CRACR2A: variants seen among roughly 807,000 people sequenced by gnomAD.
The protein encoded by CRACR2A is calcium release activated channel regulator 2A.
A neutral mutation model predicts 90.5 loss-of-function variants in CRACR2A; 79 were observed. The observed-to-expected ratio is 0.87, with a 90% CI of 0.73 to 1.05. CRACR2A has a LOEUF of 1.05. Ranked by LOEUF, CRACR2A falls within the 50% of genes least tolerant of loss-of-function variation. The probability of loss-of-function intolerance (pLI) is 0.00; values close to 1 mark genes in which losing one functional copy is unlikely to be tolerated. For missense variants in CRACR2A, 823 were observed against 897.2 expected (o/e 0.92, Z 1.06); for synonymous variants, 338 against 356.7 (o/e 0.95, Z 0.59).
At chr12:3,657,895 A>T (rs761664591) in intron 8 of CRACR2A, among the ~76,000 whole-genome samples, 1 of 152,156 alleles carries the variant, frequency 6.6e-6, no homozygotes, top group Non-Finnish European at 1.5e-5. Context: ...TTCACGGTCA[A>T]ACAAACTGGT....
At chr12:3,643,876 ATATT>A (rs1378215317) in intron 12 of CRACR2A, among the ~76,000 whole-genome samples, 7 of 52,570 alleles carry the variant, frequency 1.3e-4, no homozygotes, top group Admixed American at 4.4e-4. Context: ...TATATTATAT[ATATT>A]TATATTAATA....
intron 1 of CRACR2A, among the ~76,000 whole-genome samples, chr12:3,752,361 C>CGG (rs1565514200): frequency 3.8e-5 from 3 of 79,146 alleles, no homozygotes; most frequent in African/African-American, 1.0e-4. Context: ...CACACGGACA[C>CGG]ACACACACAG....
intron 4 of CRACR2A, among the ~76,000 whole-genome samples, chr12:3,684,656 G>A (rs1418309358): frequency 6.6e-6 from 1 of 152,202 alleles, no homozygotes; most frequent in African/African-American, 2.4e-5. Context: ...CAAGTTTAGA[G>A]TGCAGGCGTA....
At chr12:3,657,872 A>G (rs1565477913) in intron 8 of CRACR2A, among the ~76,000 whole-genome samples, 2 of 152,166 alleles carry the variant, frequency 1.3e-5, no homozygotes, top group African/African-American at 4.8e-5. Context: ...GGTGCAAGTG[A>G]TTAGGTACTT....
At chr12:3,744,183 A>C (rs1448564030) in intron 1 of CRACR2A, among the ~76,000 whole-genome samples, 1 of 152,214 alleles carries the variant, frequency 6.6e-6, no homozygotes, top group Non-Finnish European at 1.5e-5. Flanking sequence ...TCAAAGCTAA[A>C]CTCACACTTT....
chr12:3,638,228 C>T lies in CRACR2A; in HGVS notation c.1498G>A (p.Val500Ile). The T allele has an allele frequency of 6.4e-7, 1 of 1,551,674 alleles. No individual in the cohort carries two copies. Among genetic ancestry groups the T allele is most frequent in the Non-Finnish European group, 8.7e-7 (1 of 1,146,990 alleles). ...TGTCCCTGTACCCCCTGGTCAGAGA[C>T]CTCTTCCTCTTCTGAGCATTTGCTC... The part of the protein sequence containing the change: ...PLSKCSEEEE[V>I]SDQGVQGQIP... The change falls in exon 14 of 20, where the codon GTC becomes ATC. Residue 500 changes from valine (V) to isoleucine (I), a missense_variant. By Grantham distance (29) the Val-to-Ile change is conservative. Coordinates refer to ENST00000440314, the MANE Select transcript of CRACR2A (RefSeq NM_001144958.2).
At position 3,747,175 on chromosome 12, in the gene CRACR2A, G is replaced by A. The variant is rs558888569; in HGVS notation, c.-387+5840C>T. Among the ~76,000 whole-genome samples the A allele has an allele frequency of 3.9e-5, 6 of 152,294 alleles. No homozygotes were observed. In the South Asian group the frequency reaches 1.0e-3, roughly 26 times the overall value. On this transcript the variant is annotated intron_variant, in intron 1 of 19. Transcript: ENST00000440314. ...ACTGCCTGGGTTCAAATCCCAGCTC[G>A]GCCTCTTATCAGCTGTGTGACCCTG...
intron 13 of CRACR2A, chr12:3,640,476 T>C (rs1944544393): frequency 8.6e-7 from 1 of 1,164,238 alleles, no homozygotes; most frequent in South Asian, 1.7e-5. Context: ...CTCAAAAGAA[T>C]GTCTGGTACA....
chr12:3,701,743 TA>T (rs1416975406), intron 3 of CRACR2A, among the ~76,000 whole-genome samples: 1 of 152,140 alleles, frequency 6.6e-6, no homozygotes, highest in East Asian at 1.9e-4. Context: ...ATCAAATATT[TA>T]AAGAATAAGT....
rs377139179 is a variant in CRACR2A, at chr12:3,678,915, T to C, written c.524A>G (p.Asp175Gly). Residue 175 changes from aspartate to glycine, a missense_variant and splice_region_variant, in exon 6 of 20, where the codon GAT becomes GGT. Coordinates refer to ENST00000440314, the MANE Select transcript of CRACR2A (RefSeq NM_001144958.2). ...TCTACAAATCACTGTCACCACTTAC[T>C]CTTCCAACACCTTTTGGGCTCCAAG... is the stretch of plus-strand genomic sequence containing the variant. ...DRLGAQKVLE[D>G]ESDVKQLWLQ... The C allele has an allele frequency of 1.9e-6, 3 of 1,602,154 alleles. No homozygotes were observed. Among genetic ancestry groups the C allele is most frequent in the Non-Finnish European group, 2.6e-6 (3 of 1,175,564 alleles).
At chr12:3,685,744 C>CA (rs1359516343) in intron 4 of CRACR2A, among the ~76,000 whole-genome samples, 1 of 152,108 alleles carries the variant, frequency 6.6e-6, no homozygotes, top group Non-Finnish European at 1.5e-5. Context: ...GAAATGAGGA[C>CA]ATTGTTTTAC....
intron 2 of CRACR2A, among the ~76,000 whole-genome samples, chr12:3,720,317 AAGAG>A (rs1261565661): frequency 1.2e-4 from 17 of 146,246 alleles, no homozygotes; most frequent in Non-Finnish European, 2.4e-4. Flanking sequence ...GAAGGAAAGA[AAGAG>A]AGACAGAAAG....
intron 10 of CRACR2A, among the ~76,000 whole-genome samples, chr12:3,653,035 T>C (rs907207505): frequency 1.7e-4 from 26 of 151,962 alleles, no homozygotes; most frequent in African/African-American, 6.0e-4. Context: ...CAAGCTGGAG[T>C]GCAGTGGCAC....
At chr12:3,663,294 G>C (rs1945072815) in intron 7 of CRACR2A, among the ~76,000 whole-genome samples, 1 of 151,872 alleles carries the variant, frequency 6.6e-6, no homozygotes, top group South Asian at 2.1e-4. Context: ...AGATTTGGAA[G>C]GTTTGTCTGA....
intron 1 of CRACR2A, among the ~76,000 whole-genome samples, chr12:3,745,610 C>G (rs1169622147): frequency 6.6e-6 from 1 of 151,624 alleles, no homozygotes; most frequent in African/African-American, 2.4e-5. Context: ...CCCGTCTCTA[C>G]TAAAAATACA....
rs118151556 is a variant in CRACR2A at position 3,663,246 on chromosome 12, C to T, written c.672-3592G>A. 1.2e-4 allele frequency among the ~76,000 whole-genome samples: 18 copies of T among 151,830 alleles called. No individual in the cohort carries two copies. The East Asian group carries it at 1.4e-3, about 11-fold the overall frequency. On this transcript the variant is annotated intron_variant, in intron 7 of 19. Coordinates refer to ENST00000440314, the MANE Select transcript of CRACR2A (RefSeq NM_001144958.2). ...GAACTCAGAAGCTCATGGACCATTT[C>T]GAGGGAATACTAGATACCATGGGAG...
intron 1 of CRACR2A, among the ~76,000 whole-genome samples, chr12:3,748,602 G>A (rs1048705812): frequency 6.6e-6 from 1 of 152,110 alleles, no homozygotes; most frequent in Non-Finnish European, 1.5e-5. Context: ...CCCTCTAGTT[G>A]CCCCAGGCAG....
At chr12:3,647,227 A>G (rs1003358968) in intron 11 of CRACR2A, among the ~76,000 whole-genome samples, 3 of 115,486 alleles carry the variant, frequency 2.6e-5, no homozygotes, top group African/African-American at 1.0e-4. Flanking sequence ...CTCTCCCTTG[A>G]TTCCTGGTGG....
chr12:3,615,566 G>A lies in CRACR2A; in HGVS notation c.2112-127C>T, dbSNP rs938255701. On this transcript the variant is annotated intron_variant, in intron 19 of 19. Transcript: ENST00000440314. ...TATGGAGAGAACCCACCCTCACCACGGCATCAGAGAGAGTCCTGAACATCC... is the reference window on the plus strand; with the variant it reads ...TATGGAGAGAACCCACCCTCACCACAGCATCAGAGAGAGTCCTGAACATCC... 29 of 688,004 alleles carry A rather than the reference G, an allele frequency of 4.2e-5. No homozygotes were observed. In the East Asian group the frequency reaches 6.3e-4, roughly 15 times the overall value. 42.6% of individuals were successfully genotyped at this position (688,004 alleles called of 1,614,324 possible).
Sources: gnomAD v4.1 joint callset for allele counts (sites outside exome capture counted in the v4.1 genomes callset) on GRCh38, gnomAD v4.1.1 for gene constraint, MANE v1.5 for transcripts, NCBI Gene and HGNC (gene_info 2026-07-23, HGNC 2026-07-21) for gene names.